Variants in ZNF2 observed in about 807,000 individuals in gnomAD.
ZNF2 encodes the protein zinc finger protein 2, also known as zinc finger protein 2.2.
ZNF2 carries 12 observed loss-of-function variants against 21.9 expected under a neutral mutation model. The ratio of observed to expected loss-of-function variants is 0.55; its 90% CI spans 0.35 to 0.89. The LOEUF (loss-of-function observed/expected upper bound fraction) is 0.89, where lower values mean the gene tolerates loss of function less well. Ranked by LOEUF, ZNF2 falls within the 40% of genes least tolerant of loss-of-function variation. The probability of loss-of-function intolerance (pLI) is 0.01; values close to 1 mark genes in which losing one functional copy is unlikely to be tolerated. For missense variants in ZNF2, 462 were observed against 544.2 expected (o/e 0.85, Z 1.50); for synonymous variants, 186 against 196.3 (o/e 0.95, Z 0.44).
intron 1 of ZNF2, 68 bp downstream of exon 1, chr2:95,165,928 A>C (rs1674012793): frequency 6.6e-6 from 1 of 151,678 alleles, no homozygotes; most frequent in African/African-American, 2.4e-5. Context: ...GGGACATGAG[A>C]ACTTTGGGGA....
chr2:95,167,943 C>A (rs1674139588), intron 1 of ZNF2, among the ~76,000 whole-genome samples: 1 of 151,376 alleles, frequency 6.6e-6, no homozygotes, highest in African/African-American at 2.4e-5. Context: ...TAAGTGGTAA[C>A]AGTGTGGAGT....
Position 95,181,847 on chromosome 2 carries a change from G to A in ZNF2, c.1019G>A (p.Arg340His), listed in dbSNP as rs201751599. The change falls in exon 5 of 5, where the codon CGC (arginine) becomes CAC (histidine). Residue 340 changes from arginine to histidine, a missense_variant. Transcript: ENST00000614034. ...RHQKAHAGDP[R>H]YQCNECGKAF... ...CAGAAAGCTCATGCTGGGGACCCTC[G>A]CTATCAGTGTAACGAGTGTGGCAAA... 5.3e-5 allele frequency: 86 copies of A among 1,613,918 alleles called. No homozygotes were observed. The highest frequency in any genetic ancestry group is 4.5e-4 in the East Asian group (20 of 44,870).
chr2:95,180,205 G>A lies in ZNF2; in HGVS notation c.207G>A (p.Gly69=). ...ATGTGATTTTCCAATTGAAGAGAGG[G>A]GACAAGCCGTGGATGGTAGATCTTC... ...QPDVIFQLKR[G]DKPWMVDLHG... is the part of the protein sequence containing the mutation. The change falls in exon 4 of 5, where the codon GGG becomes GGA. Residue 69 remains glycine, a synonymous_variant. Coordinates refer to ENST00000614034, the MANE Select transcript of ZNF2 (RefSeq NM_021088.4). 1 of 1,614,152 alleles carries A rather than the reference G, an allele frequency of 6.2e-7. No homozygotes were observed. Among genetic ancestry groups the A allele is most frequent in the South Asian group, 1.1e-5 (1 of 91,082 alleles).
Position 95,184,180 on chromosome 2 carries a change from A to G in ZNF2, c.*2074A>G, listed in dbSNP as rs889922565. 8 of 152,246 alleles carry G rather than the reference A, an allele frequency of 5.3e-5. No homozygotes were observed. Among genetic ancestry groups the G allele is most frequent in the African/African-American group, 1.7e-4 (7 of 41,462 alleles). The allele number at this position is 152,246 out of a possible 1,614,324, so 9.4% of individuals were successfully genotyped here. A position where few individuals can be genotyped will look rare whatever the true frequency, so the allele number is the denominator to read the frequency against. ...TATTACTCTGTTCACCCTAGAGCAG[A>G]CGAACGGCAGGGAAGACTTGATCTG... On this transcript the variant is annotated 3_prime_UTR_variant, in exon 5 of 5. Transcript: ENST00000614034.
Position 95,171,125 on chromosome 2 carries a change from C to G in ZNF2, c.-39-5063C>G, listed in dbSNP as rs527690186. ...TCAAAGTTCAAATTATTTTATTTAGCGCTAGTGATTTTTATTATTTATCTG... is the reference window on the plus strand; with the variant it reads ...TCAAAGTTCAAATTATTTTATTTAGGGCTAGTGATTTTTATTATTTATCTG... On this transcript the variant is annotated intron_variant, in intron 1 of 4. Coordinates refer to ENST00000614034, the MANE Select transcript of ZNF2 (RefSeq NM_021088.4). Among the ~76,000 whole-genome samples, 7 of 152,016 alleles carry G rather than the reference C, an allele frequency of 4.6e-5. No homozygotes were observed. The South Asian group carries it at 1.2e-3, about 27-fold the overall frequency.
In ZNF2 at chr2:95,182,900, GACTT is replaced by G. The variant is rs1339697515; in HGVS notation, c.*797_*800del. ...CTAGATTGTAAGCACTTGGAGGTGT[GACTT>G]ACAGGTCTTTGTATCTCACACAGTG... On this transcript the variant is annotated 3_prime_UTR_variant, in exon 5 of 5. Coordinates refer to ENST00000614034, the MANE Select transcript of ZNF2 (RefSeq NM_021088.4). 6.6e-6 allele frequency: 1 copy of G among 152,190 alleles called. No individual in the cohort carries two copies. The highest frequency in any genetic ancestry group is 1.9e-4 in the East Asian group (1 of 5,200). The allele number at this position is 152,190 out of a possible 1,614,324, so 9.4% of individuals were successfully genotyped here. A position where few individuals can be genotyped will look rare whatever the true frequency, so the allele number is the denominator to read the frequency against.
Position 95,181,749 on chromosome 2 carries a change from C to T in ZNF2, c.921C>T (p.His307=), listed in dbSNP as rs769538011. 29 of 1,614,132 alleles carry T rather than the reference C, an allele frequency of 1.8e-5. No individual in the cohort carries two copies. The East Asian group carries it at 4.2e-4, about 24-fold the overall frequency. ...KSILTRHQLI[H]TGRKPYECNE... The stretch of plus-strand genomic sequence containing the variant: ...TTCTTACTCGCCATCAGCTAATCCA[C>T]ACTGGCAGGAAGCCTTATGAGTGTA... The change falls in exon 5 of 5, where the codon CAC becomes CAT. Residue 307 remains histidine (H), a synonymous_variant. Transcript: ENST00000614034.
At chr2:95,167,635 G>A (rs558596279) in intron 1 of ZNF2, among the ~76,000 whole-genome samples, 70 of 151,578 alleles carry the variant, frequency 4.6e-4, no homozygotes, top group African/African-American at 1.5e-3. Context: ...ATCACTTGAC[G>A]TCAGGAGTTC....
intron 3 of ZNF2, among the ~76,000 whole-genome samples, chr2:95,178,025 C>T (rs1260117099): frequency 2.0e-5 from 3 of 152,132 alleles, no homozygotes; most frequent in African/African-American, 4.8e-5. Context: ...GAGGAGTGTG[C>T]GCTGGGGTAG....
At chr2:95,176,409 T>C (rs1674446992) in intron 2 of ZNF2, 150 bp downstream of exon 2, 1 of 920,048 alleles carries the variant, frequency 1.1e-6, no homozygotes, top group African/African-American at 1.7e-5. Flanking sequence ...TGACTTGAGG[T>C]ATCCTTTAGT....
At chr2:95,169,129 T>C (rs915786520) in intron 1 of ZNF2, among the ~76,000 whole-genome samples, 2 of 152,184 alleles carry the variant, frequency 1.3e-5, no homozygotes, top group African/African-American at 4.8e-5. Context: ...TCAGTGAGCT[T>C]ACTGAAGTGA....
At chr2:95,176,311 A>C (rs766246711) in intron 2 of ZNF2, 52 bp downstream of exon 2, 1 of 1,611,996 alleles carries the variant, frequency 6.2e-7, no homozygotes, top group Non-Finnish European at 8.5e-7. Flanking sequence ...CCAGAATGTA[A>C]CCACTTTTCT....
intron 1 of ZNF2, among the ~76,000 whole-genome samples, chr2:95,173,891 A>G (rs964996432): frequency 7.2e-5 from 11 of 152,204 alleles, no homozygotes; most frequent in African/African-American, 2.4e-4. Flanking sequence ...TTGTATTGTT[A>G]GTAGAGACTG....
intron 4 of ZNF2, among the ~76,000 whole-genome samples, chr2:95,180,833 G>A (rs1302401608): frequency 1.3e-5 from 2 of 152,066 alleles, no homozygotes; most frequent in Non-Finnish European, 2.9e-5. Context: ...GCTATTGAGT[G>A]CCATCCTGTC....
At chr2:95,169,665 G>A (rs182032252) in intron 1 of ZNF2, among the ~76,000 whole-genome samples, 219 of 152,186 alleles carry the variant, frequency 1.4e-3, no homozygotes, top group Admixed American at 2.4e-3. Context: ...CAGGAGAATC[G>A]CTTGAACCGG....
chr2:95,180,269 C>T lies in ZNF2; in HGVS notation c.271C>T (p.Leu91=). The T allele has an allele frequency of 6.2e-7, 1 of 1,606,576 alleles. No individual in the cohort carries two copies. Among genetic ancestry groups the T allele is most frequent in the East Asian group, 2.2e-5 (1 of 44,814 alleles). The change falls in exon 4 of 5, where the codon CTA becomes TTA. Residue 91 remains leucine, a synonymous_variant. Transcript: ENST00000614034. ...EEREWPESVS[L]DWETKPEIHD... ...GAGAGAATGGCCAGAGAGTGTCTCT[C>T]TAGGTAACTGAGTGTGAACAAGACA... is the stretch of plus-strand genomic sequence containing the variant.
intron 1 of ZNF2, among the ~76,000 whole-genome samples, chr2:95,170,885 A>G (rs1174058947): frequency 1.3e-5 from 2 of 152,186 alleles, no homozygotes; most frequent in African/African-American, 2.4e-5. Flanking sequence ...TGTATCTAGA[A>G]TTACCTGGTT....
At position 95,181,976 on chromosome 2, in the gene ZNF2, G is replaced by A. The variant is rs754302128; in HGVS notation, c.1148G>A (p.Arg383Gln). 41 of 1,614,172 alleles carry A rather than the reference G, an allele frequency of 2.5e-5. No homozygotes were observed. Among genetic ancestry groups the A allele is most frequent in the Non-Finnish European group, 3.3e-5 (39 of 1,180,068 alleles). The change falls in exon 5 of 5, where the codon CGG (arginine) becomes CAG (glutamine). Residue 383 changes from arginine to glutamine, a missense_variant. By Grantham distance (43) the Arg-to-Gln change is conservative. Transcript: ENST00000614034. ...GGGAAAGCCTTTAGCCAGCGGTGCCGGCTCACGCGGCATCAGCGTGTCCAC... is the reference window on the plus strand; with the variant it reads ...GGGAAAGCCTTTAGCCAGCGGTGCCAGCTCACGCGGCATCAGCGTGTCCAC... ...ECGKAFSQRC[R>Q]LTRHQRVHTG...
At chr2:95,175,774 G>C (rs1674419494) in intron 1 of ZNF2, among the ~76,000 whole-genome samples, 1 of 152,174 alleles carries the variant, frequency 6.6e-6, no homozygotes, top group Admixed American at 6.5e-5. Context: ...GGCTATGAGT[G>C]GGGTATTTTT....
Sources: gnomAD v4.1 joint callset for allele counts (sites outside exome capture counted in the v4.1 genomes callset) on GRCh38, gnomAD v4.1.1 for gene constraint, MANE v1.5 for transcripts, NCBI Gene and HGNC (gene_info 2026-07-23, HGNC 2026-07-21) for gene names.